Variants in ILKAP observed in about 807,000 individuals in gnomAD.
ILKAP encodes the protein integrin-linked kinase-associated serine/threonine phosphatase 2C.
Under a neutral mutation model 49.1 loss-of-function variants are expected in ILKAP, and 11 were observed. That is an observed-to-expected ratio of 0.22 (90% CI 0.14 to 0.37). ILKAP has a LOEUF of 0.37. Ranked by LOEUF, ILKAP falls within the 10% of genes least tolerant of loss-of-function variation. ILKAP has a pLI of 1.00. For missense variants in ILKAP, 363 were observed against 510.8 expected (o/e 0.71, Z 2.79); for synonymous variants, 186 against 192.8 (o/e 0.96, Z 0.29).
At chr2:238,191,089 GGACT>G (rs1190045809) in intron 3 of ILKAP, among the ~76,000 whole-genome samples, 1 of 151,788 alleles carries the variant, frequency 6.6e-6, no homozygotes, top group Non-Finnish European at 1.5e-5. Context: ...TGAGCAGCTG[GGACT>G]GAAAGCAGGA....
chr2:238,188,036 G>T, intron 5 of ILKAP, 95 bp downstream of exon 5: 1 of 1,392,162 alleles, frequency 7.2e-7, no homozygotes, highest in Non-Finnish European at 1.0e-6. Flanking sequence ...TGATGTGTTA[G>T]ATTTTCTAGT....
chr2:238,186,846 C>CA (rs1208700500), intron 5 of ILKAP: 1 of 152,162 alleles, frequency 6.6e-6, no homozygotes, highest in East Asian at 1.9e-4. Context: ...GTTTATAACT[C>CA]AGAGCTGTTC....
intron 1 of ILKAP, among the ~76,000 whole-genome samples, chr2:238,201,700 T>C (rs1694576235): frequency 6.6e-6 from 1 of 152,138 alleles, no homozygotes; most frequent in South Asian, 2.1e-4. Context: ...TAATTGCAGG[T>C]AAAAAGCAAT....
At chr2:238,173,439 C>T (rs1559287536) in intron 10 of ILKAP, 95 bp downstream of exon 10, 1 of 1,514,132 alleles carries the variant, frequency 6.6e-7, no homozygotes, top group Non-Finnish European at 9.0e-7. Flanking sequence ...ACCATGCACA[C>T]CTTCCCTCCA....
chr2:238,182,251 G>GA (rs753566593), intron 8 of ILKAP, 65 bp from the exon 9 acceptor site: 6 of 1,563,926 alleles, frequency 3.8e-6, no homozygotes, highest in African/African-American at 1.4e-5. Flanking sequence ...GGTACCAGTT[G>GA]AAAAAAACAG....
At chr2:238,177,571 A>C (rs1693514727) in intron 9 of ILKAP, among the ~76,000 whole-genome samples, 1 of 152,130 alleles carries the variant, frequency 6.6e-6, no homozygotes, top group Non-Finnish European at 1.5e-5. Flanking sequence ...GTGAAATTCT[A>C]GTGTTTGTCT....
intron 8 of ILKAP, among the ~76,000 whole-genome samples, chr2:238,182,478 G>A (rs1187816040): frequency 6.6e-6 from 1 of 152,208 alleles, no homozygotes; most frequent in Non-Finnish European, 1.5e-5. Flanking sequence ...TTTGTGACAT[G>A]AAAGGAAGCA....
At chr2:238,186,878 G>A (rs1356863571) in intron 5 of ILKAP, 2 of 152,142 alleles carry the variant, frequency 1.3e-5, no homozygotes, top group Non-Finnish European at 2.9e-5. Context: ...TATTTGCAAG[G>A]CATGATGTAG....
chr2:238,184,451 T>C (rs1449950840), intron 6 of ILKAP, among the ~76,000 whole-genome samples: 1 of 152,078 alleles, frequency 6.6e-6, no homozygotes, highest in East Asian at 1.9e-4. Context: ...GCCTCCCAAA[T>C]GCTGGGATTA....
intron 9 of ILKAP, among the ~76,000 whole-genome samples, chr2:238,175,482 T>TC (rs1179951756): frequency 6.6e-6 from 1 of 152,132 alleles, no homozygotes; most frequent in South Asian, 2.1e-4. Flanking sequence ...GAATGACAGA[T>TC]CCCAGGAAAC....
At chr2:238,174,621 C>T (rs1693367653) in intron 9 of ILKAP, among the ~76,000 whole-genome samples, 1 of 152,192 alleles carries the variant, frequency 6.6e-6, no homozygotes, top group South Asian at 2.1e-4. Flanking sequence ...TCAGCCTGGC[C>T]CTTCTCTGGG....
At chr2:238,180,062 T>C (rs886819364) in intron 9 of ILKAP, among the ~76,000 whole-genome samples, 2 of 151,914 alleles carry the variant, frequency 1.3e-5, no homozygotes, top group African/African-American at 4.8e-5. Flanking sequence ...TCCCAGCTAC[T>C]TGGGAGGCTG....
At chr2:238,183,948 C>T (rs1161712916) in intron 7 of ILKAP, 72 bp downstream of exon 7, 24 of 1,082,528 alleles carry the variant, frequency 2.2e-5, no homozygotes, top group Non-Finnish European at 3.0e-5. Context: ...TAAACCACAT[C>T]AGAAGACTGA....
chr2:238,200,305 A>G (rs1425823003), intron 1 of ILKAP, among the ~76,000 whole-genome samples: 1 of 152,256 alleles, frequency 6.6e-6, no homozygotes, highest in East Asian at 1.9e-4. Flanking sequence ...TTAGCAAAAT[A>G]CCTGAAATAT....
At chr2:238,187,994 C>A (rs1300301093) in intron 5 of ILKAP, 137 bp downstream of exon 5, 3 of 1,056,226 alleles carry the variant, frequency 2.8e-6, no homozygotes, top group East Asian at 2.6e-5. Context: ...GCAAAATCAA[C>A]CCCAGCTGAG....
chr2:238,177,821 T>G (rs1050089769), intron 9 of ILKAP, among the ~76,000 whole-genome samples: 5 of 152,192 alleles, frequency 3.3e-5, no homozygotes, highest in Non-Finnish European at 7.3e-5. Context: ...CTTTGAGTTC[T>G]TTTGGGTATA....
At chr2:238,174,099 A>C (rs4401169) in intron 9 of ILKAP, among the ~76,000 whole-genome samples, 13,669 of 152,246 alleles carry the variant, frequency 0.09, 1,136 homozygotes, top group African/African-American at 0.22. Flanking sequence ...ATTTCAATCT[A>C]ATTAGATTTG....
rs1239699110 is a variant in ILKAP at position 238,173,604 on chromosome 2, C to T, written c.886G>A (p.Gly296Arg). ...GTGACACCGCAGCGCTTGTACTGCCCGTCCCCAATGGAGCGTGACACCTCT... is the reference window on the plus strand; with the variant it reads ...GTGACACCGCAGCGCTTGTACTGCCTGTCCCCAATGGAGCGTGACACCTCT... ...VLEVSRSIGD[G>R]QYKRCGVTSV... Residue 296 changes from glycine to arginine, a missense_variant, in exon 10 of 12, where the codon GGG becomes AGG. Physicochemically the swap from Gly to Arg is moderately radical, Grantham distance 125 (BLOSUM62 -2). This residue lies in a region of ILKAP where 166 missense variants were observed against 307.3 expected (regional missense o/e 0.54). Transcript: ENST00000254654. The T allele has an allele frequency of 3.7e-6, 6 of 1,613,936 alleles. No homozygotes were observed. Among genetic ancestry groups the T allele is most frequent in the South Asian group, 2.2e-5 (2 of 91,084 alleles).
At chr2:238,172,332 G>C (rs561156504) in intron 10 of ILKAP, among the ~76,000 whole-genome samples, 1 of 152,190 alleles carries the variant, frequency 6.6e-6, no homozygotes, top group African/African-American at 2.4e-5. Context: ...GATTACAGGC[G>C]TGAGCCACCA....
Sources: gnomAD v4.1 joint callset for allele counts (sites outside exome capture counted in the v4.1 genomes callset) on GRCh38, gnomAD v4.1.1 for gene constraint, gnomAD v4.1.1 regional missense constraint, MANE v1.5 for transcripts, NCBI Gene and HGNC (gene_info 2026-07-23, HGNC 2026-07-21) for gene names.